Variants in TMPRSS11A observed in about 807,000 individuals in gnomAD.
TMPRSS11A encodes transmembrane serine protease 11A, also known as transmembrane protease serine 11A.
Under a neutral mutation model 58.9 loss-of-function variants are expected in TMPRSS11A, and 53 were observed. The ratio of observed to expected loss-of-function variants is 0.90; its 90% CI spans 0.72 to 1.13. The LOEUF (loss-of-function observed/expected upper bound fraction) is 1.13, where lower values mean the gene tolerates loss of function less well. TMPRSS11A is among the 50% of genes most tolerant of loss of function. TMPRSS11A has a pLI of 0.00. For missense variants in TMPRSS11A, 493 were observed against 499.3 expected (o/e 0.99, Z 0.12); for synonymous variants, 167 against 169.8 (o/e 0.98, Z 0.13).
intron 4 of TMPRSS11A, among the ~76,000 whole-genome samples, chr4:67,930,831 C>CAA (rs1165212348): frequency 0.054 from 4,024 of 74,720 alleles, 72 homozygotes; most frequent in African/African-American, 0.098. Flanking sequence ...TTTTTTTTTA[C>CAA]AAAAAAAAAA....
intron 6 of TMPRSS11A, among the ~76,000 whole-genome samples, chr4:67,923,337 C>T (rs982183424): frequency 2.6e-5 from 4 of 152,112 alleles, no homozygotes; most frequent in Non-Finnish European, 5.9e-5. Flanking sequence ...AATGAATAAA[C>T]ACATGGATAA....
intron 4 of TMPRSS11A, 21 bp from the exon 5 acceptor site, chr4:67,930,061 G>A (rs765501302): frequency 6.3e-7 from 1 of 1,592,770 alleles, no homozygotes; most frequent in Admixed American, 1.7e-5. Context: ...CAAAAGAAAG[G>A]TACATTTTCA....
chr4:67,959,962 T>C (rs912411834), intron 1 of TMPRSS11A, among the ~76,000 whole-genome samples: 1 of 152,220 alleles, frequency 6.6e-6, no homozygotes, highest in African/African-American at 2.4e-5. Flanking sequence ...ATGTGTTACA[T>C]ATACACCATG....
At chr4:67,946,799 C>T (rs1721028507) in intron 1 of TMPRSS11A, among the ~76,000 whole-genome samples, 1 of 151,954 alleles carries the variant, frequency 6.6e-6, no homozygotes, top group Non-Finnish European at 1.5e-5. Flanking sequence ...TTGGTGGCCT[C>T]TTTGTGGTGG....
rs763783653 is a variant in TMPRSS11A, at chr4:67,946,507, A to G, written c.76T>C (p.Leu26=). The change falls in exon 2 of 10, where the codon TTG becomes CTG. Residue 26 remains leucine (L), a synonymous_variant. Coordinates refer to ENST00000508048, the MANE Select transcript of TMPRSS11A (RefSeq NM_001114387.2). Reference sequence around the variant, plus strand: ...GTCACTGCCACCACTGTCAGGGACAACACAATGAGAACGGCAATCATCCAT... The same window carrying G: ...GTCACTGCCACCACTGTCAGGGACAGCACAATGAGAACGGCAATCATCCAT... ...KPWMIAVLIV[L]SLTVVAVTIG... is the part of the protein sequence containing the mutation. 1.9e-6 allele frequency: 3 copies of G among 1,612,784 alleles called. No individual in the cohort carries two copies. Among genetic ancestry groups the G allele is most frequent in the Non-Finnish European group, 1.7e-6 (2 of 1,179,446 alleles).
intron 5 of TMPRSS11A, among the ~76,000 whole-genome samples, chr4:67,928,203 C>A (rs370440265): frequency 6.6e-6 from 1 of 152,100 alleles, no homozygotes; most frequent in Admixed American, 6.5e-5. Flanking sequence ...CGTCACCAGG[C>A]CTGACTAATA....
At chr4:67,961,896 G>A (rs979692033) in intron 1 of TMPRSS11A, among the ~76,000 whole-genome samples, 7 of 151,986 alleles carry the variant, frequency 4.6e-5, no homozygotes, top group African/African-American at 1.7e-4. Flanking sequence ...ACATCCCTAA[G>A]CTGCAAACAC....
At chr4:67,943,224 G>T (rs1175675011) in intron 3 of TMPRSS11A, among the ~76,000 whole-genome samples, 2 of 152,116 alleles carry the variant, frequency 1.3e-5, no homozygotes, top group Non-Finnish European at 2.9e-5. Context: ...TGTTCAACAT[G>T]CACCTCCGCA....
intron 1 of TMPRSS11A, among the ~76,000 whole-genome samples, chr4:67,949,433 G>A (rs543378413): frequency 2.3e-3 from 357 of 152,332 alleles, no homozygotes; most frequent in Non-Finnish European, 4.0e-3. Context: ...AGATAATATA[G>A]CAGATGCGCA....
chr4:67,961,493 T>C (rs1430590559), intron 1 of TMPRSS11A, among the ~76,000 whole-genome samples: 14 of 646 alleles, frequency 0.022, no homozygotes, highest in East Asian at 0.17. Context: ...CTTTTTTTTT[T>C]TTTTTTTTTT....
intron 4 of TMPRSS11A, 39 bp from the exon 5 acceptor site, chr4:67,930,079 C>T (rs1293494589): frequency 8.3e-6 from 13 of 1,575,590 alleles, no homozygotes; most frequent in Admixed American, 1.7e-5. Context: ...TCAAAGAATA[C>T]ACCTGGAATT....
At chr4:67,952,432 A>G (rs560635331) in intron 1 of TMPRSS11A, among the ~76,000 whole-genome samples, 86 of 152,352 alleles carry the variant, frequency 5.6e-4, no homozygotes, top group Middle Eastern at 3.4e-3. Flanking sequence ...GAATCAGTGT[A>G]GAGGTGGTTT....
rs151061973 is a variant in TMPRSS11A at position 67,947,949 on chromosome 4, C to G, written c.12-1378G>C. On this transcript the variant is annotated intron_variant, in intron 1 of 9. Transcript: ENST00000508048. ...AGGATATCTGTTTAAGGGCCCAGGT[C>G]GACTAACTCCCGTGCTTGTTCTCTA... 2.7e-3 allele frequency among the ~76,000 whole-genome samples: 409 copies of G among 152,142 alleles called. 4 individuals carry two copies. Among genetic ancestry groups the G allele is most frequent in the African/African-American group, 7.8e-3 (322 of 41,484 alleles).
chr4:67,916,826 C>A (rs1720167609), intron 8 of TMPRSS11A, among the ~76,000 whole-genome samples: 1 of 151,264 alleles, frequency 6.6e-6, no homozygotes, highest in Admixed American at 6.6e-5. Context: ...GACTCTGTTT[C>A]AAAATAAAAA....
rs570459370 is a variant in TMPRSS11A at position 67,963,447 on chromosome 4, C to A, written c.-54G>T. ...GTCTGCACCCACTGAACTCAACTTT[C>A]TAATCAACTATATGACATCTCTAGA... On this transcript the variant is annotated 5_prime_UTR_variant, in exon 1 of 10. Coordinates refer to ENST00000508048, the MANE Select transcript of TMPRSS11A (RefSeq NM_001114387.2). The A allele has an allele frequency of 1.1e-4, 175 of 1,590,296 alleles. No homozygotes were observed. The East Asian group carries it at 3.9e-3, about 36-fold the overall frequency.
chr4:67,923,059 G>A, intron 6 of TMPRSS11A, 133 bp from the exon 7 acceptor site: 1 of 735,198 alleles, frequency 1.4e-6, no homozygotes, highest in Admixed American at 2.6e-5. Context: ...CCTGTCACTG[G>A]ATTCATGGCC....
intron 9 of TMPRSS11A, among the ~76,000 whole-genome samples, chr4:67,914,210 T>A (rs1415456587): frequency 6.6e-6 from 1 of 152,258 alleles, no homozygotes; most frequent in Non-Finnish European, 1.5e-5. Context: ...ATCTCTCTGA[T>A]ACTTGTTCCA....
intron 4 of TMPRSS11A, 38 bp downstream of exon 4, chr4:67,931,955 C>T (rs985383282): frequency 1.6e-6 from 2 of 1,251,846 alleles, no homozygotes; most frequent in African/African-American, 3.0e-5. Flanking sequence ...CCTTTTCCCT[C>T]CAGTCTTGTG....
At chr4:67,962,980 T>C (rs1317349945) in intron 1 of TMPRSS11A, among the ~76,000 whole-genome samples, 1 of 152,168 alleles carries the variant, frequency 6.6e-6, no homozygotes, top group Non-Finnish European at 1.5e-5. Flanking sequence ...AAGGGACAAG[T>C]AAACACAGCG....
Sources: allele counts gnomAD v4.1 joint callset (sites outside exome capture counted in the v4.1 genomes callset), GRCh38; gene constraint gnomAD v4.1.1; transcripts MANE v1.5; gene names NCBI Gene and HGNC (gene_info 2026-07-23, HGNC 2026-07-21).